The following DLG2 variants were observed in gnomAD, a reference collection of about 807,000 sequenced individuals.
DLG2 encodes disks large homolog 2.
DLG2 carries 45 observed loss-of-function variants against 132.5 expected under a neutral mutation model. The ratio of observed to expected loss-of-function variants is 0.34; its 90% confidence interval spans 0.27 to 0.44. The LOEUF (loss-of-function observed/expected upper bound fraction) is 0.44, where lower values mean the gene tolerates loss of function less well. Ranked by LOEUF, DLG2 falls within the 20% of genes least tolerant of loss-of-function variation. The probability of loss-of-function intolerance (pLI) is 1.00; values close to 1 mark genes in which losing one functional copy is unlikely to be tolerated. For missense variants in DLG2, 1,045 were observed against 1,196.9 expected, an observed-to-expected ratio of 0.87 and a Z score of 1.87; for synonymous variants, 424 against 419.6, an observed-to-expected ratio of 1.01 and a Z score of -0.13.
chr11:85,266,769 G>T (rs926506323), intron 4 of DLG2, among the ~76,000 whole-genome samples: 3 of 152,110 alleles, frequency 2.0e-5, no homozygotes, highest in African/African-American at 4.8e-5. Context: ...TAAATATTTT[G>T]TACGCCCACT....
chr11:85,047,047 G>A (rs2062414621), intron 6 of DLG2, among the ~76,000 whole-genome samples: 1 of 151,952 alleles, frequency 6.6e-6, no homozygotes, highest in Non-Finnish European at 1.5e-5. Flanking sequence ...AAAATATAGA[G>A]ATAGTTATCT....
At chr11:84,742,148 C>T (rs541096683) in intron 6 of DLG2, among the ~76,000 whole-genome samples, 130 of 151,990 alleles carry the variant, frequency 8.6e-4, no homozygotes, top group Non-Finnish European at 1.5e-3. Context: ...AAAGCCTATA[C>T]GATTTATGGG....
At chr11:83,847,443 G>C (rs2058841194) in intron 16 of DLG2, among the ~76,000 whole-genome samples, 1 of 152,174 alleles carries the variant, frequency 6.6e-6, no homozygotes, top group East Asian at 1.9e-4. Flanking sequence ...TCTACAATTA[G>C]TGTGATATGG....
chr11:85,510,490 C>G (rs1380390473), intron 3 of DLG2, among the ~76,000 whole-genome samples: 2 of 152,022 alleles, frequency 1.3e-5, no homozygotes, highest in Non-Finnish European at 2.9e-5. Flanking sequence ...GGGCTAATAT[C>G]CAGAATCTAC....
At chr11:84,773,451 C>A (rs2069781383) in intron 6 of DLG2, among the ~76,000 whole-genome samples, 1 of 152,136 alleles carries the variant, frequency 6.6e-6, no homozygotes, top group African/African-American at 2.4e-5. Flanking sequence ...CTACCAAAAC[C>A]TGGCAGAGAC....
chr11:85,292,878 T>C (rs1250835551), intron 3 of DLG2, among the ~76,000 whole-genome samples: 1 of 151,690 alleles, frequency 6.6e-6, no homozygotes, highest in African/African-American at 2.4e-5. Flanking sequence ...GCTCACAGGA[T>C]GAGAACAAGG....
intron 3 of DLG2, among the ~76,000 whole-genome samples, chr11:85,351,838 G>T (rs145618513): frequency 6.6e-6 from 1 of 152,088 alleles, no homozygotes; most frequent in African/African-American, 2.4e-5. Flanking sequence ...TGTTCATATC[G>T]ATATTCATCA....
intron 14 of DLG2, among the ~76,000 whole-genome samples, chr11:83,942,640 A>C (rs534981807): frequency 6.6e-6 from 1 of 152,354 alleles, no homozygotes; most frequent in South Asian, 2.1e-4. Flanking sequence ...CTGTAGGTTA[A>C]TATGGAAAAG....
At chr11:83,687,579 T>G (rs368599634) in intron 18 of DLG2, among the ~76,000 whole-genome samples, 12 of 152,192 alleles carry the variant, frequency 7.9e-5, no homozygotes, top group African/African-American at 2.9e-4. Flanking sequence ...GGTATTGTTC[T>G]TTTTACTTCT....
intron 6 of DLG2, among the ~76,000 whole-genome samples, chr11:84,663,171 C>T (rs1406968656): frequency 6.6e-6 from 1 of 151,916 alleles, no homozygotes; most frequent in East Asian, 1.9e-4. Flanking sequence ...ATTACATTTT[C>T]TCCATACAGA....
At chr11:85,080,618 G>A (rs927339382) in intron 6 of DLG2, among the ~76,000 whole-genome samples, 6 of 152,086 alleles carry the variant, frequency 3.9e-5, no homozygotes, top group Non-Finnish European at 7.4e-5. Context: ...GCCAGATATT[G>A]GTGATGTTCA....
At chr11:83,739,585 A>G (rs1473863248) in intron 18 of DLG2, among the ~76,000 whole-genome samples, 1 of 152,216 alleles carries the variant, frequency 6.6e-6, no homozygotes, top group African/African-American at 2.4e-5. Context: ...TGAAAAATAT[A>G]TAAAAAAAGA....
chr11:85,049,704 G>A (rs2062707310), intron 6 of DLG2, among the ~76,000 whole-genome samples: 1 of 152,020 alleles, frequency 6.6e-6, no homozygotes, highest in South Asian at 2.1e-4. Context: ...GGACGTAAGT[G>A]AATATTCTTT....
Position 83,543,823 on chromosome 11 carries a change from G to T in DLG2, c.1941-1965C>A, listed in dbSNP as rs571893541. Among the ~76,000 whole-genome samples the T allele has an allele frequency of 5.9e-5, 9 of 152,236 alleles. No individual in the cohort carries two copies. The South Asian group carries it at 1.9e-3, about 32-fold the overall frequency. Reference sequence around the variant, plus strand: ...CTCTGTGCAAAAAGGAGTTAATGTAGCAGGCCTGAGACTGCTGTTCTTGCT... The same window carrying T: ...CTCTGTGCAAAAAGGAGTTAATGTATCAGGCCTGAGACTGCTGTTCTTGCT... On this transcript the variant is annotated intron_variant, in intron 19 of 27. Transcript: ENST00000376104.
intron 3 of DLG2, among the ~76,000 whole-genome samples, chr11:85,466,884 T>A (rs1024882364): frequency 6.6e-6 from 1 of 152,204 alleles, no homozygotes; most frequent in African/African-American, 2.4e-5. Context: ...GCATTGAATC[T>A]ATTAATTACC....
At chr11:84,141,674 G>A (rs2094852829) in intron 9 of DLG2, among the ~76,000 whole-genome samples, 1 of 152,094 alleles carries the variant, frequency 6.6e-6, no homozygotes, top group South Asian at 2.1e-4. Context: ...CATTCTATTA[G>A]TGGCTGCAGG....
At chr11:83,574,458 C>T (rs959334902) in intron 19 of DLG2, among the ~76,000 whole-genome samples, 1 of 152,038 alleles carries the variant, frequency 6.6e-6, no homozygotes, top group Non-Finnish European at 1.5e-5. Context: ...TAAGGATATA[C>T]AATATAGTCA....
chr11:84,162,596 G>A (rs1042355435), intron 9 of DLG2, among the ~76,000 whole-genome samples: 3 of 151,822 alleles, frequency 2.0e-5, no homozygotes, highest in Non-Finnish European at 2.9e-5. Flanking sequence ...GTATTTGTCC[G>A]CTACTGTAAG....
chr11:83,588,849 G>C (rs2097138562), intron 19 of DLG2, among the ~76,000 whole-genome samples: 1 of 152,216 alleles, frequency 6.6e-6, no homozygotes, highest in African/African-American at 2.4e-5. Context: ...GAATGCAGAA[G>C]CGTCAGGAGC....
Sources: allele counts gnomAD v4.1 joint callset (sites outside exome capture counted in the v4.1 genomes callset), GRCh38; gene constraint gnomAD v4.1.1; transcripts MANE v1.5; gene names NCBI Gene and HGNC (gene_info 2026-07-23, HGNC 2026-07-21).